Variants in BNC2 observed in about 807,000 individuals in gnomAD.
BNC2 encodes zinc finger protein basonuclin-2.
BNC2 carries 20 observed loss-of-function variants against 76.3 expected under a neutral mutation model. The ratio of observed to expected loss-of-function variants is 0.26; its 90% CI spans 0.18 to 0.38. BNC2 has a LOEUF of 0.38. Among genes scored for constraint, BNC2 ranks in the 10% least tolerant of loss-of-function variants. BNC2 has a pLI of 1.00. For missense variants in BNC2, 1,382 were observed against 1,399.8 expected, an observed-to-expected ratio of 0.99 and a Z score of 0.20; for synonymous variants, 582 against 514.8, an observed-to-expected ratio of 1.13 and a Z score of -1.77.
At chr9:16,735,819 T>G (rs569016025) in intron 2 of BNC2, among the ~76,000 whole-genome samples, 10 of 152,178 alleles carry the variant, frequency 6.6e-5, no homozygotes, top group African/African-American at 2.4e-4. Flanking sequence ...AATGTTAATT[T>G]CTTTATTTAC....
At chr9:16,530,492 G>A (rs1363063830) in intron 5 of BNC2, among the ~76,000 whole-genome samples, 1 of 152,030 alleles carries the variant, frequency 6.6e-6, no homozygotes. Context: ...AAACTGACAA[G>A]GCTTTTCTCT....
rs552833311 is a variant in BNC2 at position 16,719,859 on chromosome 9, G to A, written c.330+7938C>T. On this transcript the variant is annotated intron_variant, in intron 3 of 6. Transcript: ENST00000380672. ...AACTCTTACTAGCTGCAGTTTGTCTGAAAGAATCATCCCTTCAACCTACTG... is the reference window on the plus strand; with the variant it reads ...AACTCTTACTAGCTGCAGTTTGTCTAAAAGAATCATCCCTTCAACCTACTG... Among the ~76,000 whole-genome samples the A allele has an allele frequency of 3.4e-4, 52 of 152,264 alleles. 1 individual carries two copies. The highest frequency in any genetic ancestry group is 1.2e-3 in the African/African-American group (51 of 41,542).
At chr9:16,545,707 T>C (rs745329483) in intron 5 of BNC2, among the ~76,000 whole-genome samples, 20 of 152,190 alleles carry the variant, frequency 1.3e-4, no homozygotes, top group Non-Finnish European at 2.1e-4. Context: ...CTCAGTCACA[T>C]GGCCTCATTT....
intron 3 of BNC2, among the ~76,000 whole-genome samples, chr9:16,663,089 G>C (rs1004196135): frequency 1.4e-5 from 2 of 144,778 alleles, no homozygotes; most frequent in Admixed American, 1.4e-4. Flanking sequence ...CTACTCGCTC[G>C]CTCAATTCCA....
chr9:16,780,209 C>T (rs1377955247), intron 1 of BNC2, among the ~76,000 whole-genome samples: 1 of 115,954 alleles, frequency 8.6e-6, no homozygotes, highest in East Asian at 2.5e-4. Flanking sequence ...GCACTCCAGC[C>T]TGGGTGACAG....
At chr9:16,867,486 A>T (rs1281990489) in intron 1 of BNC2, 1 of 152,206 alleles carries the variant, frequency 6.6e-6, no homozygotes, top group East Asian at 1.9e-4. Flanking sequence ...ATCTCAAACA[A>T]GTGAATGTGA....
At chr9:16,864,011 A>G (rs1819476147) in intron 1 of BNC2, among the ~76,000 whole-genome samples, 1 of 152,222 alleles carries the variant, frequency 6.6e-6, no homozygotes, top group African/African-American at 2.4e-5. Flanking sequence ...GAATTCTTAA[A>G]AAGGTAATTC....
At chr9:16,660,888 G>A (rs191610522) in intron 3 of BNC2, among the ~76,000 whole-genome samples, 49 of 152,240 alleles carry the variant, frequency 3.2e-4, no homozygotes, top group Non-Finnish European at 4.0e-4. Context: ...GTGTACGGGA[G>A]GATGGACATA....
chr9:16,848,559 G>A (rs532955393), intron 1 of BNC2, among the ~76,000 whole-genome samples: 23 of 152,186 alleles, frequency 1.5e-4, no homozygotes, highest in African/African-American at 4.8e-4. Flanking sequence ...TGTTAATTAC[G>A]CCCTCAGGTT....
intron 1 of BNC2, among the ~76,000 whole-genome samples, chr9:16,773,195 A>T (rs115502247): frequency 0.024 from 3,609 of 152,278 alleles, 142 homozygotes; most frequent in East Asian, 0.17. Context: ...AAATGTTTGC[A>T]CTGTACACAC....
chr9:16,543,319 T>C (rs888924602), intron 5 of BNC2, among the ~76,000 whole-genome samples: 3 of 152,212 alleles, frequency 2.0e-5, no homozygotes, highest in African/African-American at 7.2e-5. Context: ...TAATTGGTGC[T>C]AGAATTAAGG....
At chr9:16,780,048 A>G (rs903961183) in intron 1 of BNC2, among the ~76,000 whole-genome samples, 75 of 150,804 alleles carry the variant, frequency 5.0e-4, no homozygotes, top group Non-Finnish European at 8.9e-5. Flanking sequence ...CATCCTGGCT[A>G]ACATGGTGAA....
chr9:16,531,482 C>CAT (rs764089334), intron 5 of BNC2, among the ~76,000 whole-genome samples: 2 of 151,106 alleles, frequency 1.3e-5, no homozygotes, highest in East Asian at 1.9e-4. Context: ...CCTAGAGACA[C>CAT]TGGTCTGTGA....
At chr9:16,603,203 T>C (rs1587223852) in intron 3 of BNC2, among the ~76,000 whole-genome samples, 1 of 152,300 alleles carries the variant, frequency 6.6e-6, no homozygotes, top group Non-Finnish European at 1.5e-5. Flanking sequence ...CAAACAGAAA[T>C]GTTCACACAC....
At chr9:16,557,931 G>T (rs1818889559) in intron 4 of BNC2, among the ~76,000 whole-genome samples, 1 of 151,792 alleles carries the variant, frequency 6.6e-6, no homozygotes. Flanking sequence ...CAGGATCGCG[G>T]CTCCCCACAG....
intron 3 of BNC2, among the ~76,000 whole-genome samples, chr9:16,653,032 T>A (rs1821835735): frequency 6.6e-6 from 1 of 152,158 alleles, no homozygotes; most frequent in South Asian, 2.1e-4. Context: ...TGTTTCTATT[T>A]ATATTAGATG....
chr9:16,530,708 G>A (rs1425980195), intron 5 of BNC2, among the ~76,000 whole-genome samples: 1 of 152,186 alleles, frequency 6.6e-6, no homozygotes, highest in Non-Finnish European at 1.5e-5. Context: ...ACAAACCATG[G>A]TATATGTTGT....
intron 1 of BNC2, among the ~76,000 whole-genome samples, chr9:16,759,199 C>CA (rs1563930153): frequency 1.3e-5 from 2 of 152,170 alleles, no homozygotes; most frequent in African/African-American, 2.4e-5. Context: ...TGATTTCATA[C>CA]AAAAAATCGA....
chr9:16,532,542 C>T (rs1001125060), intron 5 of BNC2, among the ~76,000 whole-genome samples: 2 of 152,090 alleles, frequency 1.3e-5, no homozygotes, highest in Non-Finnish European at 2.9e-5. Flanking sequence ...TGGCTCATGC[C>T]AGCCTATGAG....
Sources: gnomAD v4.1 joint callset for allele counts (sites outside exome capture counted in the v4.1 genomes callset) on GRCh38, gnomAD v4.1.1 for gene constraint, MANE v1.5 for transcripts, NCBI Gene and HGNC (gene_info 2026-07-23, HGNC 2026-07-21) for gene names.